CDH18: variants seen among roughly 807,000 people sequenced by gnomAD.
CDH18 encodes cadherin-18.
A neutral mutation model predicts 67.9 loss-of-function variants in CDH18; 31 were observed. The observed-to-expected ratio is 0.46, with a 90% confidence interval of 0.34 to 0.62. The LOEUF is 0.62. Ranked by LOEUF, CDH18 falls within the 20% of genes least tolerant of loss-of-function variation. CDH18 has a pLI of 0.01. For missense variants in CDH18, 890 were observed against 975.5 expected (o/e 0.91, Z 1.17); for synonymous variants, 362 against 347.2 (o/e 1.04, Z -0.48).
At chr5:19,567,741 C>T (rs1028749835) in intron 8 of CDH18, among the ~76,000 whole-genome samples, 2 of 152,094 alleles carry the variant, frequency 1.3e-5, no homozygotes, top group Non-Finnish European at 1.5e-5. Context: ...AGTTCTCTAA[C>T]CAAAACAAAG....
At chr5:19,888,157 T>C (rs1788423990) in intron 2 of CDH18, among the ~76,000 whole-genome samples, 1 of 152,140 alleles carries the variant, frequency 6.6e-6, no homozygotes, top group Non-Finnish European at 1.5e-5. Context: ...CCTCTACCCT[T>C]TTCTTCTTCA....
intron 1 of CDH18, among the ~76,000 whole-genome samples, chr5:20,472,370 T>A (rs1383850185): frequency 6.6e-6 from 1 of 152,180 alleles, no homozygotes; most frequent in African/African-American, 2.4e-5. Context: ...ATTATTTAAA[T>A]AAAGGAGATT....
chr5:20,002,832 C>G (rs1218324993), intron 2 of CDH18, among the ~76,000 whole-genome samples: 1 of 151,888 alleles, frequency 6.6e-6, no homozygotes, highest in Non-Finnish European at 1.5e-5. Flanking sequence ...AGATTTTTCT[C>G]TATTTCAGAG....
At chr5:20,257,261 C>G (rs1200788201) in intron 1 of CDH18, among the ~76,000 whole-genome samples, 2 of 152,002 alleles carry the variant, frequency 1.3e-5, no homozygotes, top group Non-Finnish European at 2.9e-5. Flanking sequence ...AATATGTATA[C>G]TGCAACCCAT....
At chr5:19,925,398 C>A (rs1792970824) in intron 2 of CDH18, among the ~76,000 whole-genome samples, 1 of 152,098 alleles carries the variant, frequency 6.6e-6, no homozygotes, top group Non-Finnish European at 1.5e-5. Flanking sequence ...GAAAAATATG[C>A]AAGAACGCAA....
At chr5:20,119,838 A>G (rs1050353097) in intron 2 of CDH18, among the ~76,000 whole-genome samples, 3 of 152,126 alleles carry the variant, frequency 2.0e-5, no homozygotes, top group Admixed American at 1.3e-4. Context: ...CATTTATTTC[A>G]TTAGTATAAC....
intron 2 of CDH18, among the ~76,000 whole-genome samples, chr5:20,155,410 AG>A (rs1375344244): frequency 1.3e-5 from 2 of 152,014 alleles, no homozygotes; most frequent in Non-Finnish European, 2.9e-5. Context: ...ACTTTAAAAT[AG>A]GGTTATTTCT....
upstream of CDH18, among the ~76,000 whole-genome samples, chr5:19,992,264 G>C (rs1159790723): frequency 6.6e-6 from 1 of 151,894 alleles, no homozygotes; most frequent in Non-Finnish European, 1.5e-5. Flanking sequence ...ATGAATAATT[G>C]ACAAAGCAAA....
chr5:19,935,776 C>CT (rs1794181648), intron 2 of CDH18, among the ~76,000 whole-genome samples: 1 of 146,980 alleles, frequency 6.8e-6, no homozygotes. Flanking sequence ...ACTGAGCTAG[C>CT]TTTTACATAC....
intron 11 of CDH18, among the ~76,000 whole-genome samples, chr5:19,492,007 CAA>C (rs1378571737): frequency 6.6e-6 from 1 of 151,028 alleles, no homozygotes; most frequent in Non-Finnish European, 1.5e-5. Flanking sequence ...AAAACACATA[CAA>C]AAAAAGAGAA....
chr5:20,468,097 C>T (rs908284862), intron 1 of CDH18, among the ~76,000 whole-genome samples: 5 of 151,998 alleles, frequency 3.3e-5, no homozygotes, highest in African/African-American at 9.7e-5. Flanking sequence ...TCACTGCAAC[C>T]TCTGTCTGTC....
At chr5:19,617,826 C>A (rs1388590837) in intron 5 of CDH18, among the ~76,000 whole-genome samples, 2 of 152,132 alleles carry the variant, frequency 1.3e-5, no homozygotes, top group African/African-American at 4.8e-5. Flanking sequence ...TTGGGAATTA[C>A]TCTCTGCTGT....
intron 2 of CDH18, among the ~76,000 whole-genome samples, chr5:20,066,990 C>A (rs955419256): frequency 3.9e-4 from 59 of 151,228 alleles, no homozygotes; most frequent in Non-Finnish European, 3.0e-4. Context: ...ATTCAACCAA[C>A]CACTGATAAA....
intron 2 of CDH18, among the ~76,000 whole-genome samples, chr5:19,891,455 T>C (rs1788777083): frequency 1.3e-5 from 2 of 152,178 alleles, no homozygotes; most frequent in African/African-American, 4.8e-5. Context: ...CTTCAGAGAT[T>C]ATGTTATGCA....
intron 2 of CDH18, among the ~76,000 whole-genome samples, chr5:19,900,353 C>A (rs1013909897): frequency 6.6e-6 from 1 of 151,922 alleles, no homozygotes; most frequent in African/African-American, 2.4e-5. Flanking sequence ...TTAACAATAG[C>A]GTATATTTTA....
chr5:19,505,781 T>A lies in CDH18; in HGVS notation c.1513-2672A>T, dbSNP rs557972031. Among the ~76,000 whole-genome samples the A allele has an allele frequency of 2.5e-3, 386 of 152,244 alleles. 1 individual carries two copies. Among genetic ancestry groups the A allele is most frequent in the African/African-American group, 8.9e-3 (369 of 41,548 alleles). ...CAGGGATATTGGTCTAAAATTCTCT[T>A]TTTTTGTTGTGTCTCTGCCAGGCTT... On this transcript the variant is annotated intron_variant, in intron 10 of 12. Coordinates refer to ENST00000382275, the MANE Select transcript of CDH18 (RefSeq NM_004934.5).
intron 2 of CDH18, among the ~76,000 whole-genome samples, chr5:20,025,152 C>A (rs748917445): frequency 1.3e-5 from 2 of 152,148 alleles, no homozygotes; most frequent in Non-Finnish European, 2.9e-5. Context: ...TGAAAATATT[C>A]TTTCATGCTT....
At chr5:20,063,009 G>T (rs547210370) in intron 2 of CDH18, among the ~76,000 whole-genome samples, 18 of 118,518 alleles carry the variant, frequency 1.5e-4, no homozygotes, top group Non-Finnish European at 2.9e-4. Flanking sequence ...TTTTTTTTGA[G>T]ACAGAGTCTT....
chr5:19,811,108 AAG>A (rs1299830114), intron 3 of CDH18, among the ~76,000 whole-genome samples: 2 of 90,592 alleles, frequency 2.2e-5, no homozygotes, highest in African/African-American at 9.2e-5. Flanking sequence ...GAAAGAAAGA[AAG>A]AAAGAAAGAA....
Sources: gnomAD v4.1 joint callset for allele counts (sites outside exome capture counted in the v4.1 genomes callset) on GRCh38, gnomAD v4.1.1 for gene constraint, MANE v1.5 for transcripts, NCBI Gene and HGNC (gene_info 2026-07-23, HGNC 2026-07-21) for gene names.